The following ZNF708 variants were observed in gnomAD, a reference collection of about 807,000 sequenced individuals.
ZNF708 encodes the protein zinc finger protein 708.
Under a neutral mutation model 47.0 loss-of-function variants are expected in ZNF708, and 44 were observed. That is an observed-to-expected ratio of 0.94 (90% confidence interval 0.74 to 1.20). The LOEUF is 1.20. Among genes scored for constraint, ZNF708 ranks in the 50% most tolerant of loss-of-function variants. The pLI is 0.00. For missense variants in ZNF708, 557 were observed against 656.0 expected (o/e 0.85, Z 1.65); for synonymous variants, 184 against 218.5 (o/e 0.84, Z 1.39).
At chr19:21,295,142 C>T (rs888390287) in intron 3 of ZNF708, among the ~76,000 whole-genome samples, 7 of 152,062 alleles carry the variant, frequency 4.6e-5, no homozygotes, top group Non-Finnish European at 1.0e-4. Context: ...GGGGCCTTTT[C>T]AGACACTGGT....
chr19:21,305,079 C>T (rs1035619085), intron 3 of ZNF708, among the ~76,000 whole-genome samples: 2 of 148,576 alleles, frequency 1.3e-5, no homozygotes, highest in Non-Finnish European at 3.0e-5. Flanking sequence ...AGTGTGATCT[C>T]GGCTCACTAC....
At position 21,293,365 on chromosome 19, in the gene ZNF708, C is replaced by T. The variant is rs1243390912; in HGVS notation, c.1601G>A (p.Cys534Tyr). The change falls in exon 4 of 4, where the codon TGT becomes TAT. Residue 534 changes from cysteine (C) to tyrosine (Y), a missense_variant. By Grantham distance (194) the Cys-to-Tyr change is radical (BLOSUM62 -2). Coordinates refer to ENST00000356929, the MANE Select transcript of ZNF708 (RefSeq NM_021269.3). ...GTTAAAGGCTTTGCCACATTCTTCACATTTGTAGGGTTTCTCTCCAGTATG... is the reference window on the plus strand; with the variant it reads ...GTTAAAGGCTTTGCCACATTCTTCATATTTGTAGGGTTTCTCTCCAGTATG... ...IIHTGEKPYK[C>Y]EECGKAFNQS... is the part of the protein sequence containing the mutation. 1.2e-6 allele frequency: 2 copies of T among 1,613,684 alleles called. No homozygotes were observed. The highest frequency in any genetic ancestry group is 4.5e-5 in the East Asian group (2 of 44,794).
chr19:21,305,949 C>T (rs1352506483), intron 3 of ZNF708, among the ~76,000 whole-genome samples: 5 of 152,132 alleles, frequency 3.3e-5, no homozygotes, highest in African/African-American at 1.2e-4. Context: ...GATAAAATAA[C>T]CTTCCACAAA....
chr19:21,303,360 C>T (rs924610118), intron 3 of ZNF708, among the ~76,000 whole-genome samples: 6 of 152,104 alleles, frequency 3.9e-5, no homozygotes, highest in African/African-American at 1.2e-4. Context: ...TGACACTACC[C>T]TGGCCAACAC....
intron 3 of ZNF708, among the ~76,000 whole-genome samples, chr19:21,308,531 G>C (rs1487861189): frequency 6.6e-6 from 1 of 151,892 alleles, no homozygotes; most frequent in Non-Finnish European, 1.5e-5. Flanking sequence ...CACCCATCTC[G>C]GCCTCCCACA....
At chr19:21,321,704 A>AAAGAAAGG (rs563404141) in intron 1 of ZNF708, among the ~76,000 whole-genome samples, 2 of 141,116 alleles carry the variant, frequency 1.4e-5, no homozygotes, top group Non-Finnish European at 3.0e-5. Context: ...AGAAAGAAAG[A>AAAGAAAGG]AAGGAAGGAA....
At chr19:21,325,668 T>C (rs1973241405) in intron 1 of ZNF708, among the ~76,000 whole-genome samples, 1 of 152,178 alleles carries the variant, frequency 6.6e-6, no homozygotes, top group African/African-American at 2.4e-5. Flanking sequence ...AAGGATTTCA[T>C]GACCAAGAAC....
intron 3 of ZNF708, among the ~76,000 whole-genome samples, chr19:21,303,127 T>C (rs1190457893): frequency 1.3e-5 from 2 of 151,988 alleles, no homozygotes; most frequent in African/African-American, 4.8e-5. Flanking sequence ...ATGGCAAATA[T>C]TTGTAACACA....
Position 21,329,400 on chromosome 19 carries a change from C to CG in ZNF708, c.-189dup. On this transcript the variant is annotated 5_prime_UTR_variant, in exon 1 of 4. Transcript: ENST00000356929. ...GAAGCCGCCCTGTCCGGTCCAGCTG[C>CG]GTGTCTGAGTGAACTGTCCCCAGCT... The CG allele has an allele frequency of 1.2e-6, 1 of 808,590 alleles. No individual in the cohort carries two copies. Among genetic ancestry groups the CG allele is most frequent in the Non-Finnish European group, 2.0e-6 (1 of 511,694 alleles). The allele number at this position is 808,590 out of a possible 1,614,324, so 50.1% of individuals were successfully genotyped here.
At chr19:21,300,779 G>A (rs1621154) in intron 3 of ZNF708, among the ~76,000 whole-genome samples, 24,034 of 151,650 alleles carry the variant, frequency 0.16, 2,204 homozygotes, top group Non-Finnish European at 0.21. Flanking sequence ...TCCTGCCTCA[G>A]CCTCCCAAAT....
chr19:21,319,322 A>T (rs1398661230), intron 1 of ZNF708, among the ~76,000 whole-genome samples: 2 of 152,220 alleles, frequency 1.3e-5, no homozygotes, highest in African/African-American at 4.8e-5. Context: ...CAGCCTGCAA[A>T]TATTAGATAA....
At chr19:21,297,263 TATATA>T (rs1972549926) in intron 3 of ZNF708, among the ~76,000 whole-genome samples, 1 of 14,516 alleles carries the variant, frequency 6.9e-5, no homozygotes, top group African/African-American at 2.2e-4. Context: ...TATATATATA[TATATA>T]TATTTTTTTT....
intron 1 of ZNF708, among the ~76,000 whole-genome samples, chr19:21,313,437 A>G (rs2145174594): frequency 6.6e-6 from 1 of 152,076 alleles, no homozygotes; most frequent in East Asian, 1.9e-4. Flanking sequence ...TAACTCTTCT[A>G]CTGTTTCTCT....
chr19:21,307,128 AAAAAT>A (rs1164111080), intron 3 of ZNF708, among the ~76,000 whole-genome samples: 4,282 of 145,372 alleles, frequency 0.029, 108 homozygotes, highest in African/African-American at 0.055. Flanking sequence ...ATATAAAATA[AAAAAT>A]AAAATAAAAT....
intron 3 of ZNF708, among the ~76,000 whole-genome samples, chr19:21,301,932 G>C (rs1357965581): frequency 6.6e-6 from 1 of 152,086 alleles, no homozygotes; most frequent in African/African-American, 2.4e-5. Context: ...TAAAAGGTGT[G>C]GGTGTTCATC....
At chr19:21,321,992 C>T (rs1973156265) in intron 1 of ZNF708, among the ~76,000 whole-genome samples, 1 of 152,098 alleles carries the variant, frequency 6.6e-6, no homozygotes, top group South Asian at 2.1e-4. Context: ...TTCATACAGG[C>T]AGGTGAGATT....
At chr19:21,297,728 C>G (rs771574904) in intron 3 of ZNF708, among the ~76,000 whole-genome samples, 4 of 151,646 alleles carry the variant, frequency 2.6e-5, no homozygotes, top group Admixed American at 1.3e-4. Flanking sequence ...TGCCTTTTTG[C>G]AAGTCAGTTG....
In ZNF708 at chr19:21,293,671, A is replaced by C; in HGVS notation, c.1295T>G (p.Phe432Cys). 6.8e-6 allele frequency: 11 copies of C among 1,611,468 alleles called. No individual in the cohort carries two copies. The highest frequency in any genetic ancestry group is 8.5e-6 in the Non-Finnish European group (10 of 1,179,358). The change falls in exon 4 of 4, where the codon TTC becomes TGC. Residue 432 changes from phenylalanine (F) to cysteine (C), a missense_variant. Coordinates refer to ENST00000356929, the MANE Select transcript of ZNF708 (RefSeq NM_021269.3). ...TACTTTATGTTTAGTAAGGATTGAG[A>C]ATATACTAAAGGCTTTACCACATTC... ...CEECGKAFSIFSILTKHKVIH... is the reference protein window; with the variant it reads ...CEECGKAFSICSILTKHKVIH...
intron 3 of ZNF708, among the ~76,000 whole-genome samples, chr19:21,295,265 A>C (rs956709924): frequency 6.6e-6 from 1 of 152,232 alleles, no homozygotes; most frequent in South Asian, 2.1e-4. Context: ...CTGCAGTACC[A>C]CATACAGGAA....
Sources: gnomAD v4.1 joint callset for allele counts (sites outside exome capture counted in the v4.1 genomes callset) on GRCh38, gnomAD v4.1.1 for gene constraint, MANE v1.5 for transcripts, NCBI Gene and HGNC (gene_info 2026-07-23, HGNC 2026-07-21) for gene names.